Variants in DNAH11 observed in about 807,000 individuals in gnomAD.
DNAH11 encodes the protein dynein axonemal heavy chain 11.
Under a neutral mutation model 526.0 loss-of-function variants are expected in DNAH11, and 442 were observed. That is an observed-to-expected ratio of 0.84 (90% CI 0.78 to 0.91). DNAH11 has a LOEUF of 0.91. DNAH11 is among the 40% of genes least tolerant of loss of function. The pLI, the probability that DNAH11 is intolerant of heterozygous loss-of-function variation, is 0.00. For synonymous variants in DNAH11, 2,461 were observed against 1,935.9 expected, an observed-to-expected ratio of 1.27 and a Z score of -7.12; for missense variants, 6,989 against 5,448.7, an observed-to-expected ratio of 1.28 and a Z score of -8.90.
chr7:21,765,656 A>ACACACG (rs1188836358), intron 55 of DNAH11, 67 bp downstream of exon 55: 7 of 1,230,116 alleles, frequency 5.7e-6, no homozygotes, highest in Admixed American at 5.2e-5. Context: ...ACACACACAC[A>ACACACG]CACTCTGAAA....
At chr7:21,778,923 G>T (rs1253786660) in intron 56 of DNAH11, 35 bp from the exon 57 acceptor site, 7 of 1,605,214 alleles carry the variant, frequency 4.4e-6, no homozygotes, top group Non-Finnish European at 5.1e-6. Flanking sequence ...TTGTGAACAA[G>T]GCCAGTGACG....
intron 20 of DNAH11, among the ~76,000 whole-genome samples, chr7:21,613,058 A>T: frequency 6.6e-6 from 1 of 152,198 alleles, no homozygotes; most frequent in Non-Finnish European, 1.5e-5. Context: ...TTCCAGAAGC[A>T]TTAGTAATAA....
chr7:21,725,803 C>T lies in DNAH11; in HGVS notation c.7267-8C>T. 2 of 1,604,688 alleles carry T rather than the reference C, an allele frequency of 1.2e-6. No homozygotes were observed. The highest frequency in any genetic ancestry group is 1.3e-5 in the African/African-American group (1 of 74,812). On this transcript the variant is annotated splice_polypyrimidine_tract_variant and splice_region_variant and intron_variant, in intron 44 of 81. Transcript: ENST00000409508. Reference sequence around the variant, plus strand: ...GTCTGCAATAAGGATTTCTTTTGTTCTCCTTAGATTTCTGATTATCAAGCT... The same window carrying T: ...GTCTGCAATAAGGATTTCTTTTGTTTTCCTTAGATTTCTGATTATCAAGCT...
intron 31 of DNAH11, among the ~76,000 whole-genome samples, chr7:21,683,419 G>C (rs1460706277): frequency 1.3e-5 from 2 of 152,206 alleles, no homozygotes; most frequent in African/African-American, 4.8e-5. Context: ...CTGCGATGCA[G>C]AAATTATGGA....
intron 39 of DNAH11, among the ~76,000 whole-genome samples, chr7:21,706,397 T>C (rs1362309452): frequency 6.6e-6 from 1 of 152,058 alleles, no homozygotes; most frequent in Non-Finnish European, 1.5e-5. Flanking sequence ...TTTTAGAGGA[T>C]GGCAGTATAT....
intron 57 of DNAH11, 23 bp downstream of exon 57, chr7:21,779,127 G>C (rs752242977): frequency 7.5e-6 from 12 of 1,606,116 alleles, no homozygotes; most frequent in Admixed American, 3.3e-5. Flanking sequence ...CCAACATTTA[G>C]AGTGCGGAGC....
At chr7:21,707,968 A>C in intron 40 of DNAH11, 133 bp downstream of exon 40, 2 of 865,408 alleles carry the variant, frequency 2.3e-6, no homozygotes, top group South Asian at 2.8e-5. Context: ...ATAGCAGATC[A>C]CAACAGCATT....
In DNAH11 at chr7:21,882,170, G is replaced by T. The variant is rs149756892; in HGVS notation, c.12387+1277G>T. ...TTTCAGCTGAATCCTATACACCATT[G>T]AGGTGGAAATGAAGGGGAGGAAGAG... On this transcript the variant is annotated intron_variant, in intron 75 of 81. Coordinates refer to ENST00000409508, the MANE Select transcript of DNAH11 (RefSeq NM_001277115.2). Among the ~76,000 whole-genome samples the T allele has an allele frequency of 1.1e-3, 163 of 152,242 alleles. 2 individuals carry two copies. Among genetic ancestry groups the T allele is most frequent in the African/African-American group, 3.8e-3 (157 of 41,550 alleles).
At position 21,884,364 on chromosome 7, in the gene DNAH11, G is replaced by C; in HGVS notation, c.12461G>C (p.Arg4154Pro). Residue 4154 changes from arginine to proline, a missense_variant, in exon 76 of 82, where the codon CGC becomes CCC. Transcript: ENST00000409508. ...YGGHITDDWD[R>P]KLCRVYLEEF... Reference sequence around the variant, plus strand: ...GGCCACATCACAGATGACTGGGATCGCAAACTGTGTCGGGTGTATTTAGAA... The same window carrying C: ...GGCCACATCACAGATGACTGGGATCCCAAACTGTGTCGGGTGTATTTAGAA... 1.2e-6 allele frequency: 2 copies of C among 1,612,844 alleles called. No individual in the cohort carries two copies. Among genetic ancestry groups the C allele is most frequent in the Admixed American group, 1.7e-5 (1 of 59,930 alleles).
chr7:21,579,132 T>C (rs1216418953), intron 8 of DNAH11, among the ~76,000 whole-genome samples: 3 of 152,200 alleles, frequency 2.0e-5, no homozygotes, highest in African/African-American at 7.2e-5. Flanking sequence ...TGAGTGCCTT[T>C]TAGACACTAA....
chr7:21,700,933 G>T (rs550218841), intron 36 of DNAH11, among the ~76,000 whole-genome samples: 1 of 152,252 alleles, frequency 6.6e-6, no homozygotes, highest in African/African-American at 2.4e-5. Flanking sequence ...CACAAGGAGG[G>T]GAACATCACA....
chr7:21,610,851 A>G (rs1048230616), intron 20 of DNAH11, among the ~76,000 whole-genome samples: 1 of 152,204 alleles, frequency 6.6e-6, no homozygotes, highest in Non-Finnish European at 1.5e-5. Context: ...AAAAGAGCCT[A>G]AGGGACGCAT....
intron 9 of DNAH11, among the ~76,000 whole-genome samples, chr7:21,583,454 A>G (rs1259948825): frequency 6.6e-6 from 1 of 152,250 alleles, no homozygotes; most frequent in African/African-American, 2.4e-5. Flanking sequence ...AAAGACTTAC[A>G]TGTAAGACCT....
At position 21,702,722 on chromosome 7, in the gene DNAH11, T is replaced by C. The variant is rs1359320181; in HGVS notation, c.6193T>C (p.Trp2065Arg). Reference sequence around the variant, plus strand: ...GTTTTGATTTTAGGATCATTACGACTGGGGACTTCGTGCTATTAAGTCTGT... The same window carrying C: ...GTTTTGATTTTAGGATCATTACGACCGGGGACTTCGTGCTATTAAGTCTGT... The part of the protein sequence containing the change: ...ELLSKQDHYD[W>R]GLRAIKSVLV... The change falls in exon 37 of 82, where the codon TGG (tryptophan) becomes CGG (arginine). Residue 2065 changes from tryptophan to arginine, a missense_variant. Transcript: ENST00000409508. 1 of 1,613,654 alleles carries C rather than the reference T, an allele frequency of 6.2e-7. No homozygotes were observed. The highest frequency in any genetic ancestry group is 8.5e-7 in the Non-Finnish European group (1 of 1,179,694).
chr7:21,625,468 G>T (rs1786284718), intron 25 of DNAH11, among the ~76,000 whole-genome samples: 1 of 151,980 alleles, frequency 6.6e-6, no homozygotes. Context: ...TCATTCCATT[G>T]GTCGTTTTGT....
At position 21,851,458 on chromosome 7, in the gene DNAH11, T is replaced by C. The variant is rs1211676117; in HGVS notation, c.10897-1009T>C. The C allele has an allele frequency of 1.1e-5, 5 of 443,968 alleles. No individual in the cohort carries two copies. The East Asian group carries it at 2.8e-4, about 25-fold the overall frequency. The allele number at this position is 443,968 out of a possible 1,614,324, so 27.5% of individuals were successfully genotyped here. Reference sequence around the variant, plus strand: ...AATACATCCAGGTCATATTAGGCACTGGCCAAGTAGTTTCCCTTGTGGGCA... The same window carrying C: ...AATACATCCAGGTCATATTAGGCACCGGCCAAGTAGTTTCCCTTGTGGGCA... On this transcript the variant is annotated intron_variant, in intron 66 of 81. Coordinates refer to ENST00000409508, the MANE Select transcript of DNAH11 (RefSeq NM_001277115.2).
chr7:21,655,068 C>T (rs527534611), intron 28 of DNAH11, among the ~76,000 whole-genome samples: 3 of 136,350 alleles, frequency 2.2e-5, no homozygotes, highest in Non-Finnish European at 4.5e-5. Context: ...TGTTGGTTTT[C>T]CCCCCCCACC....
chr7:21,768,398 T>C (rs1263525064), intron 55 of DNAH11, among the ~76,000 whole-genome samples: 1 of 152,186 alleles, frequency 6.6e-6, no homozygotes, highest in Non-Finnish European at 1.5e-5. Context: ...AAATGAATCA[T>C]AGACATCTTT....
At chr7:21,690,973 A>G (rs1783592246) in intron 35 of DNAH11, 92 bp downstream of exon 35, 2 of 912,614 alleles carry the variant, frequency 2.2e-6, no homozygotes, top group Middle Eastern at 2.1e-4. Flanking sequence ...TTTTACTTGA[A>G]AATTCCTAAG....
Sources: allele counts gnomAD v4.1 joint callset (sites outside exome capture counted in the v4.1 genomes callset), GRCh38; gene constraint gnomAD v4.1.1; transcripts MANE v1.5; gene names NCBI Gene and HGNC (gene_info 2026-07-23, HGNC 2026-07-21).